The following RNF168 variants were observed in gnomAD, a reference collection of about 807,000 sequenced individuals.
RNF168 encodes E3 ubiquitin-protein ligase RNF168.
Under a neutral mutation model 34.9 loss-of-function variants are expected in RNF168, and 34 were observed. That is an observed-to-expected ratio of 0.97 (90% CI 0.74 to 1.30). The LOEUF is 1.30. RNF168 is among the 50% of genes most tolerant of loss of function. The pLI is 0.00. For missense variants in RNF168, 725 were observed against 682.5 expected, an observed-to-expected ratio of 1.06 and a Z score of -0.69; for synonymous variants, 264 against 254.7, an observed-to-expected ratio of 1.04 and a Z score of -0.35.
At chr3:196,488,539 A>C (rs1732512756) in intron 2 of RNF168, 68 bp downstream of exon 2, 1 of 978,178 alleles carries the variant, frequency 1.0e-6, no homozygotes, top group Non-Finnish European at 1.6e-6. Context: ...ACAAAAAACT[A>C]AATTAAAATC....
rs1424021459 is a variant in RNF168, at chr3:196,482,584, T to C, written c.680+1186A>G. ...CCAAGCAATGCGCAAGGATTCCAAT[T>C]TCTCCACATCTTTGTCAACACTTAT... On this transcript the variant is annotated intron_variant, in intron 4 of 5. Coordinates refer to ENST00000318037, the MANE Select transcript of RNF168 (RefSeq NM_152617.4). Among the ~76,000 whole-genome samples the C allele has an allele frequency of 2.0e-5, 3 of 152,236 alleles. No individual in the cohort carries two copies. In the East Asian group the frequency reaches 5.8e-4, roughly 29 times the overall value.
chr3:196,487,713 TG>T, intron 2 of RNF168, 135 bp from the exon 3 acceptor site: 1 of 871,640 alleles, frequency 1.1e-6, no homozygotes. Flanking sequence ...AGTACAAATC[TG>T]GAGAAGTAGA....
chr3:196,472,887 T>C (rs1168945760), intron 5 of RNF168, 115 bp from the exon 6 acceptor site: 11 of 655,792 alleles, frequency 1.7e-5, no homozygotes, highest in Non-Finnish European at 2.7e-5. Context: ...TTATTACTAA[T>C]AAGGTATATA....
intron 1 of RNF168, among the ~76,000 whole-genome samples, chr3:196,498,512 A>G (rs949553311): frequency 6.6e-6 from 1 of 152,122 alleles, no homozygotes; most frequent in African/African-American, 2.4e-5. Context: ...AACCAAAAAA[A>G]CCCTGAAAAC....
intron 1 of RNF168, among the ~76,000 whole-genome samples, chr3:196,489,993 C>T (rs950594830): frequency 2.2e-4 from 34 of 152,282 alleles, no homozygotes; most frequent in Middle Eastern, 6.8e-3. Context: ...CCTCTGCGAT[C>T]GGGCAGTTAG....
At position 196,503,062 on chromosome 3, in the gene RNF168, G is replaced by GTT; in HGVS notation, c.110_111dup (p.Pro38AsnfsTer43). On this transcript the variant is annotated frameshift_variant, in exon 1 of 6. Coordinates refer to ENST00000318037, the MANE Select transcript of RNF168 (RefSeq NM_152617.4). LOFTEE classifies it high-confidence loss of function. ...TTTTCGACGGTCGACTGGAAGCACGGTTTACACAGCGTGTGGTTACACGGG... is the reference window on the plus strand; with the variant it reads ...TTTTCGACGGTCGACTGGAAGCACGGTTTTTACACAGCGTGTGGTTACACGGG... The GTT allele has an allele frequency of 6.2e-7, 1 of 1,614,164 alleles. No homozygotes were observed. Among genetic ancestry groups the GTT allele is most frequent in the Non-Finnish European group, 8.5e-7 (1 of 1,180,030 alleles).
In RNF168 at chr3:196,471,928, ATCTT is replaced by A. The variant is rs958358776; in HGVS notation, c.1603_1606del (p.Lys535CysfsTer40). The A allele has an allele frequency of 6.2e-7, 1 of 1,613,860 alleles. No homozygotes were observed. The highest frequency in any genetic ancestry group is 8.5e-7 in the Non-Finnish European group (1 of 1,179,736). On this transcript the variant is annotated frameshift_variant, in exon 6 of 6. Transcript: ENST00000318037. LOFTEE classifies it high-confidence loss of function. ...ACAGTGATCTCTAGTAGAATTTGGC[ATCTT>A]TCTTCTATTAACTGACTGCTTCAAC... is the stretch of plus-strand genomic sequence containing the variant.
chr3:196,488,025 G>C (rs886815498), intron 2 of RNF168, among the ~76,000 whole-genome samples: 6 of 151,758 alleles, frequency 4.0e-5, no homozygotes, highest in Non-Finnish European at 7.4e-5. Context: ...TCAAAACTTT[G>C]GGGAAATAAA....
At chr3:196,475,470 C>CA in intron 4 of RNF168, 158 bp from the exon 5 acceptor site, 2 of 643,770 alleles carry the variant, frequency 3.1e-6, no homozygotes, top group East Asian at 5.6e-5. Context: ...TGGTCAATTC[C>CA]AGGACAAAAC....
Position 196,471,763 on chromosome 3 carries a change from GA to G in RNF168, c.*55del. The G allele has an allele frequency of 8.9e-7, 1 of 1,122,076 alleles. No homozygotes were observed. The highest frequency in any genetic ancestry group is 1.4e-6 in the Non-Finnish European group (1 of 732,760). 69.5% of individuals were successfully genotyped at this position (1,122,076 alleles called of 1,614,324 possible). The stretch of plus-strand genomic sequence containing the variant: ...CACATGGATGAAGATTCCATGATAG[GA>G]AAGAGCTTCACATTCCAGCTTTACT... On this transcript the variant is annotated 3_prime_UTR_variant, in exon 6 of 6. Transcript: ENST00000318037.
intron 1 of RNF168, among the ~76,000 whole-genome samples, chr3:196,494,784 A>C (rs1054932202): frequency 3.9e-5 from 6 of 152,200 alleles, no homozygotes; most frequent in Non-Finnish European, 7.3e-5. Context: ...GCACTTTGCG[A>C]GGATGAGGCA....
intron 1 of RNF168, among the ~76,000 whole-genome samples, chr3:196,497,475 G>C (rs540121577): frequency 1.3e-5 from 2 of 152,124 alleles, no homozygotes; most frequent in East Asian, 3.9e-4. Context: ...TTCAAGACCA[G>C]CCTGGCCAAC....
intron 1 of RNF168, among the ~76,000 whole-genome samples, chr3:196,492,982 G>GA (rs148913211): frequency 2.0e-5 from 3 of 150,950 alleles, no homozygotes; most frequent in African/African-American, 4.9e-5. Context: ...TTAAAAAATG[G>GA]AAAAAAACAA....
intron 1 of RNF168, among the ~76,000 whole-genome samples, chr3:196,491,992 G>A (rs1732608705): frequency 6.6e-6 from 1 of 152,044 alleles, no homozygotes; most frequent in South Asian, 2.1e-4. Context: ...GGGTGAATGG[G>A]GAATTAATTA....
At chr3:196,474,090 G>A (rs1269227428) in intron 5 of RNF168, among the ~76,000 whole-genome samples, 1 of 151,052 alleles carries the variant, frequency 6.6e-6, no homozygotes, top group African/African-American at 2.4e-5. Context: ...CATGCCTGAT[G>A]CTGCCTTACT....
At chr3:196,489,516 C>G (rs772933498) in intron 1 of RNF168, among the ~76,000 whole-genome samples, 1 of 151,150 alleles carries the variant, frequency 6.6e-6, no homozygotes, top group Non-Finnish European at 1.5e-5. Context: ...TAATACAGAC[C>G]GGTTTTTGCC....
intron 1 of RNF168, 56 bp downstream of exon 1, chr3:196,502,817 T>A: frequency 6.9e-7 from 1 of 1,443,316 alleles, no homozygotes; most frequent in Non-Finnish European, 9.8e-7. Context: ...AAGTGATGAT[T>A]CACCTTTTCA....
chr3:196,481,467 T>C (rs1320648190), intron 4 of RNF168, among the ~76,000 whole-genome samples: 2 of 151,988 alleles, frequency 1.3e-5, no homozygotes, highest in African/African-American at 2.4e-5. Flanking sequence ...ATAATTTCGA[T>C]GTTCCACTAT....
At position 196,472,019 on chromosome 3, in the gene RNF168, T is replaced by C. The variant is rs747676059; in HGVS notation, c.1516A>G (p.Lys506Glu). 1 of 1,613,998 alleles carries C rather than the reference T, an allele frequency of 6.2e-7. No individual in the cohort carries two copies. The highest frequency in any genetic ancestry group is 8.5e-7 in the Non-Finnish European group (1 of 1,180,000). Reference sequence around the variant, plus strand: ...GAGCCTCTCTCTGGTGTTGGATGCTTTGTGTGAGTTTGCCTTTTGAAGTTC... The same window carrying C: ...GAGCCTCTCTCTGGTGTTGGATGCTCTGTGTGAGTTTGCCTTTTGAAGTTC... The part of the protein sequence containing the change: ...DGNFKRQTHT[K>E]HPTPERGSRD... Residue 506 changes from lysine (K) to glutamate (E), a missense_variant, in exon 6 of 6, where the codon AAG becomes GAG. Lys to Glu is a moderately conservative substitution (Grantham distance 56, BLOSUM62 1). Coordinates refer to ENST00000318037, the MANE Select transcript of RNF168 (RefSeq NM_152617.4).
Sources: allele counts gnomAD v4.1 joint callset (sites outside exome capture counted in the v4.1 genomes callset), GRCh38; gene constraint gnomAD v4.1.1; transcripts MANE v1.5; gene names NCBI Gene and HGNC (gene_info 2026-07-23, HGNC 2026-07-21).